Variants in RNPEP observed in about 807,000 individuals in gnomAD.
The protein encoded by RNPEP is aminopeptidase B.
Under a neutral mutation model 70.1 loss-of-function variants are expected in RNPEP, and 57 were observed. That is an observed-to-expected ratio of 0.81 (90% CI 0.66 to 1.01). RNPEP has a LOEUF of 1.01. Among genes scored for constraint, RNPEP ranks in the 50% least tolerant of loss-of-function variants. RNPEP has a pLI of 0.00. For synonymous variants in RNPEP, 335 were observed against 357.4 expected, an observed-to-expected ratio of 0.94 and a Z score of 0.71; for missense variants, 787 against 852.4, an observed-to-expected ratio of 0.92 and a Z score of 0.96.
chr1:201,983,463 A>T, intron 1 of RNPEP: 6 of 1,398,894 alleles, frequency 4.3e-6, no homozygotes, highest in Non-Finnish European at 5.7e-6. Flanking sequence ...GGCTTTCTAG[A>T]TGACCTGTTG....
In RNPEP at chr1:202,004,539, C is replaced by T. The variant is rs1183498285; in HGVS notation, c.1794+43C>T. 4.4e-6 allele frequency: 7 copies of T among 1,605,096 alleles called. No homozygotes were observed. In the Middle Eastern group the frequency reaches 9.2e-4, roughly 210 times the overall value. On this transcript the variant is annotated intron_variant, in intron 10 of 10. Coordinates refer to ENST00000295640, the MANE Select transcript of RNPEP (RefSeq NM_020216.4). ...CGCTGTTCCCGAAAGCACACTGGGACCCACTCGGCCATATGTGAAGTAATC... is the reference window on the plus strand; with the variant it reads ...CGCTGTTCCCGAAAGCACACTGGGATCCACTCGGCCATATGTGAAGTAATC...
At chr1:201,996,390 G>C in intron 4 of RNPEP, 127 bp downstream of exon 4, 1 of 737,868 alleles carries the variant, frequency 1.4e-6, no homozygotes, top group South Asian at 1.6e-5. Context: ...AGAAGTGAAG[G>C]AGAGGAGGAA....
rs1000661346 is a variant in RNPEP, at chr1:201,982,691, G to A, written c.25G>A (p.Gly9Ser). The A allele has an allele frequency of 3.6e-6, 5 of 1,391,940 alleles. No homozygotes were observed. Among genetic ancestry groups the A allele is most frequent in the Non-Finnish European group, 4.7e-6 (5 of 1,067,044 alleles). The allele number at this position is 1,391,940 out of a possible 1,614,324, so 86.2% of individuals were successfully genotyped here. The change falls in exon 1 of 11, where the codon GGC becomes AGC. Residue 9 changes from glycine (G) to serine (S), a missense_variant. By Grantham distance (56) the Gly-to-Ser change is moderately conservative (BLOSUM62 0). Coordinates refer to ENST00000295640, the MANE Select transcript of RNPEP (RefSeq NM_020216.4). MASGEHSP[G>S]SGAARRPLHS... is the part of the protein sequence containing the mutation. ...CATGGCGAGCGGCGAGCATTCCCCC[G>A]GCAGCGGCGCGGCCCGGCGGCCGCT...
chr1:201,999,867 C>T lies in RNPEP; in HGVS notation c.1091-35C>T, dbSNP rs747985993. The stretch of plus-strand genomic sequence containing the variant: ...AAATACACTTGGATGTGGTGACAGA[C>T]GTTTTCCCGAGGCTTACGTTTGATT... On this transcript the variant is annotated intron_variant, in intron 5 of 10. Coordinates refer to ENST00000295640, the MANE Select transcript of RNPEP (RefSeq NM_020216.4). 59 of 1,540,690 alleles carry T rather than the reference C, an allele frequency of 3.8e-5. No individual in the cohort carries two copies. The Admixed American group carries it at 9.6e-4, about 25-fold the overall frequency.
chr1:202,003,502 C>A, intron 9 of RNPEP, 41 bp downstream of exon 9: 2 of 1,420,766 alleles, frequency 1.4e-6, no homozygotes, highest in Non-Finnish European at 2.0e-6. Flanking sequence ...GTGTGCACAG[C>A]TTTATGTCAG....
Position 202,003,314 on chromosome 1 carries a change from A to G in RNPEP, c.1504A>G (p.Met502Val), listed in dbSNP as rs1683909096. The G allele has an allele frequency of 6.2e-7, 1 of 1,614,004 alleles. No individual in the cohort carries two copies. Among genetic ancestry groups the G allele is most frequent in the African/African-American group, 1.3e-5 (1 of 74,900 alleles). Reference protein sequence around the residue: ...LPDLSPGDSLMKPAEELAQLW... With the variant: ...LPDLSPGDSLVKPAEELAQLW... ...TGATCTCTCCCCTGGGGACTCACTC[A>G]TGAAGCCTGCTGAAGAGCTAGCCCA... Residue 502 changes from methionine to valine, a missense_variant, in exon 9 of 11, where the codon ATG becomes GTG. Coordinates refer to ENST00000295640, the MANE Select transcript of RNPEP (RefSeq NM_020216.4).
At position 202,003,457 on chromosome 1, in the gene RNPEP, T is replaced by C; in HGVS notation, c.1647T>C (p.Pro549=). 6.2e-7 allele frequency: 1 copy of C among 1,609,206 alleles called. No individual in the cohort carries two copies. Residue 549 remains proline, a synonymous_variant, in exon 9 of 11, where the codon CCT becomes CCC. Transcript: ENST00000295640. ...LDKILQKSPL[P]PGNVKKLGDT... ...AGATCCTCCAGAAATCCCCTCTCCC[T>C]CCTGGTAAGAAAAAATGGTGAACCA... is the stretch of plus-strand genomic sequence containing the variant.
chr1:201,989,308 G>C (rs904490940), intron 2 of RNPEP, 75 bp from the exon 3 acceptor site: 2 of 1,529,454 alleles, frequency 1.3e-6, no homozygotes, highest in South Asian at 1.2e-5. Context: ...ACAGGTGGCC[G>C]GTCATGCTCT....
chr1:201,989,766 C>G (rs1683256884), intron 3 of RNPEP, among the ~76,000 whole-genome samples: 1 of 152,158 alleles, frequency 6.6e-6, no homozygotes, highest in Non-Finnish European at 1.5e-5. Context: ...AGATCATCAT[C>G]CCTGCTAGCA....
chr1:202,001,259 T>C (rs544613208), intron 6 of RNPEP, 117 bp from the exon 7 acceptor site: 4 of 715,994 alleles, frequency 5.6e-6, no homozygotes, highest in East Asian at 5.3e-5. Context: ...TTGCTGTCCC[T>C]GGGGAAGCTG....
intron 6 of RNPEP, chr1:202,000,225 G>T (rs559681874): frequency 6.2e-6 from 3 of 483,310 alleles, no homozygotes; most frequent in South Asian, 3.2e-5. Flanking sequence ...CAGTCTGTGC[G>T]GTTCGTGATG....
At chr1:201,993,612 C>CA (rs113348804) in intron 3 of RNPEP, among the ~76,000 whole-genome samples, 32,600 of 134,082 alleles carry the variant, frequency 0.24, 3,894 homozygotes, top group Middle Eastern at 0.38. Flanking sequence ...AAAGCCAAAA[C>CA]AAAAAAAAAA....
chr1:202,005,867 G>A lies in RNPEP; in HGVS notation c.*151G>A, dbSNP rs1684044315. The A allele has an allele frequency of 1.1e-6, 1 of 923,402 alleles. No individual in the cohort carries two copies. The highest frequency in any genetic ancestry group is 2.6e-5 in the Admixed American group (1 of 38,676). The allele number at this position is 923,402 out of a possible 1,614,324, so 57.2% of individuals were successfully genotyped here. ...TAGCTTAGGTATCTGTGACTCTTGG[G>A]CCTCTGCTCTGGTGGGAACTTACTT... On this transcript the variant is annotated 3_prime_UTR_variant, in exon 11 of 11. Coordinates refer to ENST00000295640, the MANE Select transcript of RNPEP (RefSeq NM_020216.4).
At chr1:201,999,545 A>T (rs1290926771) in intron 5 of RNPEP, among the ~76,000 whole-genome samples, 6 of 152,230 alleles carry the variant, frequency 3.9e-5, no homozygotes, top group African/African-American at 1.4e-4. Flanking sequence ...TTGTCTCAAA[A>T]AATAAAATAA....
intron 1 of RNPEP, among the ~76,000 whole-genome samples, chr1:201,988,476 A>C (rs1571624433): frequency 6.6e-6 from 1 of 151,370 alleles, no homozygotes; most frequent in Non-Finnish European, 1.5e-5. Flanking sequence ...AAAAAAAAAA[A>C]AAAAAAACAT....
rs755492892 is a variant in RNPEP at position 201,982,953 on chromosome 1, A to G, written c.287A>G (p.Glu96Gly). 12 of 1,488,388 alleles carry G rather than the reference A, an allele frequency of 8.1e-6. No individual in the cohort carries two copies. In the South Asian group the frequency reaches 1.4e-4, roughly 17 times the overall value. The allele number at this position is 1,488,388 out of a possible 1,614,324, so 92.2% of individuals were successfully genotyped here. A position where few individuals can be genotyped will look rare whatever the true frequency, so the allele number is the denominator to read the frequency against. The change falls in exon 1 of 11, where the codon GAG becomes GGG. Residue 96 changes from glutamate (E) to glycine (G), a missense_variant. Coordinates refer to ENST00000295640, the MANE Select transcript of RNPEP (RefSeq NM_020216.4). ...LEVTAAALRR[E>G]RPGSEEPPAE... The stretch of plus-strand genomic sequence containing the variant: ...GTGACGGCGGCGGCGCTGCGGCGGG[A>G]GCGGCCCGGCTCGGAGGAGCCGCCT...
intron 2 of RNPEP, 40 bp downstream of exon 2, chr1:201,989,084 A>G: frequency 6.3e-7 from 1 of 1,585,636 alleles, no homozygotes; most frequent in Non-Finnish European, 8.6e-7. Context: ...CCTTGGGATG[A>G]AGAAATGATT....
chr1:201,986,937 C>T (rs1394892269), intron 1 of RNPEP, among the ~76,000 whole-genome samples: 1 of 152,180 alleles, frequency 6.6e-6, no homozygotes, highest in East Asian at 1.9e-4. Context: ...CAGTGATTAT[C>T]AGCTTTCTCC....
chr1:201,995,660 G>A (rs141586725), intron 3 of RNPEP: 418 of 157,470 alleles, frequency 2.7e-3, no homozygotes, highest in Admixed American at 8.4e-3. Context: ...CTGGGCAACA[G>A]AGCAAGAACC....
Sources: gnomAD v4.1 joint callset for allele counts (sites outside exome capture counted in the v4.1 genomes callset) on GRCh38, gnomAD v4.1.1 for gene constraint, MANE v1.5 for transcripts, NCBI Gene and HGNC (gene_info 2026-07-23, HGNC 2026-07-21) for gene names.